The following HEMK2 variants were observed in gnomAD, a reference collection of about 807,000 sequenced individuals.
The protein encoded by HEMK2 is HemK methyltransferase 2, ETF1 glutamine and histone H4 lysine, also known as methyltransferase HEMK2.
chr21:28,838,165 G>C, the HEMK2 span, among the ~76,000 whole-genome samples: 1 of 152,136 alleles, frequency 6.6e-6, no homozygotes, highest in South Asian at 2.1e-4. Flanking sequence ...GATAAAGAAA[G>C]AAGGAACCAT....
chr21:28,638,077 G>C, the HEMK2 span, among the ~76,000 whole-genome samples: 3,599 of 152,258 alleles, frequency 0.024, 69 homozygotes, highest in Non-Finnish European at 0.036. Context: ...TTATTCAATA[G>C]TCATTCACCC....
chr21:28,735,473 T>C, the HEMK2 span, among the ~76,000 whole-genome samples: 9 of 152,162 alleles, frequency 5.9e-5, no homozygotes, highest in Non-Finnish European at 2.9e-5. Flanking sequence ...ACATTCCTTA[T>C]CACAAAGCTC....
At chr21:28,760,348 CTA>C in the HEMK2 span, among the ~76,000 whole-genome samples, 1 of 152,168 alleles carries the variant, frequency 6.6e-6, no homozygotes, top group African/African-American at 2.4e-5. Flanking sequence ...CCATAAATGG[CTA>C]TAGAGTAAAA....
chr21:28,710,484 T>A, the HEMK2 span, among the ~76,000 whole-genome samples: 1 of 152,228 alleles, frequency 6.6e-6, no homozygotes, highest in South Asian at 2.1e-4. Context: ...ATGCTTTTCC[T>A]CAAGTAAAGA....
At chr21:28,807,462 C>T in the HEMK2 span, among the ~76,000 whole-genome samples, 2 of 152,146 alleles carry the variant, frequency 1.3e-5, no homozygotes, top group Non-Finnish European at 2.9e-5. Flanking sequence ...TCAACATCCA[C>T]AGACAGAGGG....
At chr21:28,870,677 A>T in the HEMK2 span, among the ~76,000 whole-genome samples, 1 of 152,192 alleles carries the variant, frequency 6.6e-6, no homozygotes, top group Non-Finnish European at 1.5e-5. Flanking sequence ...GTGGGATTAC[A>T]TCGCACCCAG....
At chr21:28,725,682 C>T in the HEMK2 span, among the ~76,000 whole-genome samples, 3 of 152,198 alleles carry the variant, frequency 2.0e-5, no homozygotes, top group Non-Finnish European at 2.9e-5. Flanking sequence ...CTCTGCCATC[C>T]GCAGTCCAGA....
the HEMK2 span, among the ~76,000 whole-genome samples, chr21:28,710,009 T>C: frequency 2.0e-5 from 3 of 152,212 alleles, no homozygotes; most frequent in Non-Finnish European, 4.4e-5. Context: ...TTTACAAACA[T>C]TCCCATGTGG....
the HEMK2 span, among the ~76,000 whole-genome samples, chr21:28,666,322 T>A: frequency 3.3e-5 from 5 of 152,236 alleles, no homozygotes; most frequent in African/African-American, 1.2e-4. Flanking sequence ...ATTTAATCAT[T>A]AGATTCCCTT....
chr21:28,847,271 CCT>C, the HEMK2 span, among the ~76,000 whole-genome samples: 2 of 152,192 alleles, frequency 1.3e-5, no homozygotes, highest in Non-Finnish European at 2.9e-5. Flanking sequence ...TTCTCTGCAA[CCT>C]CACCAGCATC....
the HEMK2 span, among the ~76,000 whole-genome samples, chr21:28,588,941 C>T: frequency 6.7e-6 from 1 of 149,816 alleles, no homozygotes; most frequent in Non-Finnish European, 1.5e-5. Flanking sequence ...AGATATCACG[C>T]CACTGCACTC....
chr21:28,612,950 G>A, the HEMK2 span, among the ~76,000 whole-genome samples: 10 of 152,122 alleles, frequency 6.6e-5, no homozygotes, highest in Admixed American at 5.9e-4. Flanking sequence ...CAAACATATA[G>A]AAACATATCC....
chr21:28,612,235 G>C, the HEMK2 span, among the ~76,000 whole-genome samples: 1 of 150,320 alleles, frequency 6.7e-6, no homozygotes, highest in Non-Finnish European at 1.5e-5. Context: ...AATCCACCAT[G>C]ATCAAATGGG....
the HEMK2 span, among the ~76,000 whole-genome samples, chr21:28,869,721 T>C: frequency 8.5e-5 from 13 of 152,322 alleles, no homozygotes; most frequent in South Asian, 2.5e-3. Context: ...AATGACTAAA[T>C]GGAATAGAAC....
chr21:28,742,581 G>A, the HEMK2 span, among the ~76,000 whole-genome samples: 15 of 151,496 alleles, frequency 9.9e-5, no homozygotes, highest in Non-Finnish European at 2.1e-4. Flanking sequence ...CAGGCCATGA[G>A]AGTAAACATG....
the HEMK2 span, among the ~76,000 whole-genome samples, chr21:28,807,373 G>A: frequency 6.6e-6 from 1 of 152,108 alleles, no homozygotes; most frequent in Admixed American, 6.5e-5. Flanking sequence ...TAAATTCTAC[G>A]TCCAGGTCAG....
the HEMK2 span, among the ~76,000 whole-genome samples, chr21:28,864,878 G>GATGA: frequency 1.6e-5 from 1 of 60,916 alleles, no homozygotes; most frequent in African/African-American, 5.4e-5. Flanking sequence ...TGGATGATAG[G>GATGA]TAGATATAGA....
chr21:28,636,943 C>T, the HEMK2 span, among the ~76,000 whole-genome samples: 2 of 152,146 alleles, frequency 1.3e-5, no homozygotes, highest in Non-Finnish European at 2.9e-5. Flanking sequence ...GTGACAGAAG[C>T]CTCACAGACA....
the HEMK2 span, among the ~76,000 whole-genome samples, chr21:28,663,654 T>C: frequency 6.6e-6 from 1 of 152,236 alleles, no homozygotes; most frequent in Non-Finnish European, 1.5e-5. Context: ...GGTTTCTTTT[T>C]GTTGCTGTTT....
Sources: allele counts gnomAD v4.1 joint callset (sites outside exome capture counted in the v4.1 genomes callset), GRCh38; gene constraint gnomAD v4.1.1; transcripts MANE v1.5; gene names NCBI Gene and HGNC (gene_info 2026-07-23, HGNC 2026-07-21).